Variants in DRC9 observed in about 807,000 individuals in gnomAD.
DRC9 encodes dynein regulatory complex subunit 9.
At chr3:197,936,864 C>T in the DRC9 span, among the ~76,000 whole-genome samples, 2 of 151,610 alleles carry the variant, frequency 1.3e-5, no homozygotes, top group African/African-American at 4.9e-5. Flanking sequence ...GGACATGAAG[C>T]GGGCAATTTA....
At chr3:197,930,153 G>A in the DRC9 span, among the ~76,000 whole-genome samples, 8 of 151,852 alleles carry the variant, frequency 5.3e-5, no homozygotes, top group Non-Finnish European at 4.4e-5. Flanking sequence ...TCAGGAGTTC[G>A]AGACCAGCCT....
At chr3:197,896,568 T>C in the DRC9 span, among the ~76,000 whole-genome samples, 1 of 152,224 alleles carries the variant, frequency 6.6e-6, no homozygotes, top group South Asian at 2.1e-4. Context: ...CCAGCTGCTA[T>C]AACAGAATGC....
At chr3:197,950,357 A>G in the DRC9 span, 2 of 1,220,092 alleles carry the variant, frequency 1.6e-6, no homozygotes, top group Non-Finnish European at 1.0e-6. Context: ...AAGAGGGAGA[A>G]CAGGATGGAG....
the DRC9 span, among the ~76,000 whole-genome samples, chr3:197,915,778 C>T: frequency 6.6e-6 from 1 of 151,572 alleles, no homozygotes; most frequent in Non-Finnish European, 1.5e-5. Context: ...TACAGGTGCT[C>T]ACCACCACAC....
At chr3:197,937,892 A>G in the DRC9 span, among the ~76,000 whole-genome samples, 1 of 152,230 alleles carries the variant, frequency 6.6e-6, no homozygotes, top group Non-Finnish European at 1.5e-5. Flanking sequence ...TCTCCAGTCA[A>G]TAGCACTGGC....
the DRC9 span, among the ~76,000 whole-genome samples, chr3:197,902,588 C>G: frequency 4.0e-5 from 6 of 151,802 alleles, no homozygotes; most frequent in Non-Finnish European, 5.9e-5. Context: ...AAGAAGGCAT[C>G]AGAGTCTCAA....
chr3:197,935,632 G>A, the DRC9 span, among the ~76,000 whole-genome samples: 13 of 151,770 alleles, frequency 8.6e-5, no homozygotes, highest in Admixed American at 3.9e-4. Context: ...ACTAAAGCAC[G>A]CCACCACGCC....
At chr3:197,936,744 C>A in the DRC9 span, among the ~76,000 whole-genome samples, 2 of 152,116 alleles carry the variant, frequency 1.3e-5, no homozygotes, top group African/African-American at 2.4e-5. Flanking sequence ...TGTGAATATA[C>A]CCTGGGTTTC....
the DRC9 span, chr3:197,950,177 G>A: frequency 8.1e-7 from 1 of 1,231,740 alleles, no homozygotes; most frequent in Non-Finnish European, 1.0e-6. Context: ...AGGCCACGCG[G>A]CGGGGCCTCG....
the DRC9 span, among the ~76,000 whole-genome samples, chr3:197,952,162 G>GTTTTTTTTTTTTTT: frequency 1.2e-5 from 1 of 83,860 alleles, no homozygotes; most frequent in African/African-American, 5.2e-5. Flanking sequence ...AAAATTATGG[G>GTTTTTTTTTTTTTT]TTTTTTTTTT....
the DRC9 span, chr3:197,955,764 A>G: frequency 6.2e-7 from 1 of 1,606,248 alleles, no homozygotes; most frequent in Non-Finnish European, 8.5e-7. Flanking sequence ...TGTACCCCTC[A>G]AGGATTTAAA....
At chr3:197,921,721 G>A in the DRC9 span, among the ~76,000 whole-genome samples, 1 of 147,762 alleles carries the variant, frequency 6.8e-6, no homozygotes, top group African/African-American at 2.5e-5. Context: ...ATTTCACCTG[G>A]TTTCATCTTG....
At chr3:197,934,239 C>G in the DRC9 span, among the ~76,000 whole-genome samples, 2 of 130,222 alleles carry the variant, frequency 1.5e-5, no homozygotes, top group Non-Finnish European at 3.1e-5. Flanking sequence ...GGCTGGAGTG[C>G]AGTGGCACGA....
the DRC9 span, chr3:197,889,706 G>C: frequency 6.2e-7 from 1 of 1,614,196 alleles, no homozygotes; most frequent in African/African-American, 1.3e-5. Context: ...CTCGCCACCA[G>C]GCCTGGAGCT....
the DRC9 span, chr3:197,954,133 C>T: frequency 3.1e-6 from 5 of 1,614,156 alleles, no homozygotes; most frequent in Non-Finnish European, 4.2e-6. Flanking sequence ...GGCCATTGGA[C>T]ACAGAATCCG....
the DRC9 span, chr3:197,949,361 C>T: frequency 6.6e-6 from 1 of 152,212 alleles, no homozygotes; most frequent in Admixed American, 6.5e-5. Flanking sequence ...CAAGTATCTA[C>T]GGAGGACCTA....
At chr3:197,911,414 C>A in the DRC9 span, among the ~76,000 whole-genome samples, 1 of 151,790 alleles carries the variant, frequency 6.6e-6, no homozygotes, top group Non-Finnish European at 1.5e-5. Flanking sequence ...GTTCTTTGGG[C>A]AAAGCTTTAA....
the DRC9 span, among the ~76,000 whole-genome samples, chr3:197,899,600 C>T: frequency 6.6e-6 from 1 of 151,714 alleles, no homozygotes; most frequent in Non-Finnish European, 1.5e-5. Context: ...CTTGTGTTTA[C>T]CCAAGAATGC....
At chr3:197,916,777 A>T in the DRC9 span, among the ~76,000 whole-genome samples, 1 of 152,156 alleles carries the variant, frequency 6.6e-6, no homozygotes, top group Non-Finnish European at 1.5e-5. Context: ...ATCCTCCGTT[A>T]AGGAAAGCAA....
Sources: allele counts gnomAD v4.1 joint callset (sites outside exome capture counted in the v4.1 genomes callset), GRCh38; gene constraint gnomAD v4.1.1; transcripts MANE v1.5; gene names NCBI Gene and HGNC (gene_info 2026-07-23, HGNC 2026-07-21).